Variants in CDKAL1 observed in about 807,000 individuals in gnomAD.
The protein encoded by CDKAL1 is CDKAL1 threonylcarbamoyladenosine tRNA methylthiotransferase.
CDKAL1 carries 32 observed loss-of-function variants against 68.2 expected under a neutral mutation model. The ratio of observed to expected loss-of-function variants is 0.47; its 90% confidence interval spans 0.35 to 0.63. The LOEUF is 0.63. Among genes scored for constraint, CDKAL1 ranks in the 30% least tolerant of loss-of-function variants. The pLI, the probability that CDKAL1 is intolerant of heterozygous loss-of-function variation, is 0.00. For synonymous variants in CDKAL1, 234 were observed against 244.3 expected (o/e 0.96, Z 0.39); for missense variants, 606 against 696.7 (o/e 0.87, Z 1.47).
At chr6:21,169,503 G>A (rs1260424042) in intron 13 of CDKAL1, among the ~76,000 whole-genome samples, 10 of 152,208 alleles carry the variant, frequency 6.6e-5, no homozygotes, top group Non-Finnish European at 1.3e-4. Context: ...AGGCTTGGTG[G>A]TGCATACCTG....
At chr6:20,798,466 A>G (rs924044463) in intron 8 of CDKAL1, among the ~76,000 whole-genome samples, 1 of 152,180 alleles carries the variant, frequency 6.6e-6, no homozygotes, top group Non-Finnish European at 1.5e-5. Flanking sequence ...ATGCACACGT[A>G]TGTTTATTGC....
chr6:20,713,275 A>G (rs914970764), intron 5 of CDKAL1, among the ~76,000 whole-genome samples: 3 of 152,172 alleles, frequency 2.0e-5, no homozygotes, highest in African/African-American at 4.8e-5. Flanking sequence ...GCTTACACTA[A>G]CAAGGGTTTT....
intron 5 of CDKAL1, among the ~76,000 whole-genome samples, chr6:20,666,529 C>T (rs1769551765): frequency 6.6e-6 from 1 of 151,952 alleles, no homozygotes; most frequent in East Asian, 1.9e-4. Flanking sequence ...ATTTATAATG[C>T]AAAAAGTGTT....
At chr6:20,732,251 T>TTTTCTTTC (rs1432272304) in intron 5 of CDKAL1, among the ~76,000 whole-genome samples, 2 of 129,264 alleles carry the variant, frequency 1.5e-5, no homozygotes, top group South Asian at 2.8e-4. Context: ...TTTCTTTTTC[T>TTTTCTTTC]TTTCTTTCTT....
intron 11 of CDKAL1, among the ~76,000 whole-genome samples, chr6:21,019,718 G>GAT (rs963849564): frequency 8.6e-5 from 13 of 151,862 alleles, no homozygotes; most frequent in Non-Finnish European, 1.6e-4. Context: ...TAATTAATTG[G>GAT]ATATATATAT....
At chr6:21,014,179 G>A (rs912521453) in intron 11 of CDKAL1, among the ~76,000 whole-genome samples, 2 of 152,178 alleles carry the variant, frequency 1.3e-5, no homozygotes, top group Non-Finnish European at 2.9e-5. Context: ...TTCCCTAGCT[G>A]CACGGAAAAC....
At chr6:20,620,871 G>A (rs1055233095) in intron 4 of CDKAL1, among the ~76,000 whole-genome samples, 6 of 151,842 alleles carry the variant, frequency 4.0e-5, no homozygotes, top group African/African-American at 9.7e-5. Flanking sequence ...ATATTAGTAC[G>A]GTATGTTTGT....
chr6:21,037,720 G>A (rs571404993), intron 11 of CDKAL1, among the ~76,000 whole-genome samples: 1 of 152,204 alleles, frequency 6.6e-6, no homozygotes, highest in East Asian at 1.9e-4. Context: ...CTACTGTATT[G>A]GATAGTTCAG....
chr6:21,005,821 C>T (rs1436907135), intron 11 of CDKAL1, among the ~76,000 whole-genome samples: 1 of 152,090 alleles, frequency 6.6e-6, no homozygotes, highest in Non-Finnish European at 1.5e-5. Context: ...AGAGATTGCC[C>T]AGTGAAATAC....
intron 9 of CDKAL1, among the ~76,000 whole-genome samples, chr6:20,931,927 A>T (rs939164040): frequency 1.6e-4 from 25 of 152,206 alleles, no homozygotes; most frequent in African/African-American, 5.1e-4. Flanking sequence ...TTATCTTCAT[A>T]TATTTAATAC....
At chr6:20,965,334 G>GGGGAA (rs1765253127) in intron 10 of CDKAL1, among the ~76,000 whole-genome samples, 1 of 148,492 alleles carries the variant, frequency 6.7e-6, no homozygotes, top group Admixed American at 6.8e-5. Flanking sequence ...GGGGAGGGGA[G>GGGGAA]GGGAGGGGAG....
intron 13 of CDKAL1, among the ~76,000 whole-genome samples, chr6:21,164,415 C>T: frequency 6.6e-6 from 1 of 151,914 alleles, no homozygotes; most frequent in East Asian, 1.9e-4. Flanking sequence ...TTTAACCTCA[C>T]TGCCATGCCT....
At chr6:20,770,541 A>G (rs1156526795) in intron 7 of CDKAL1, among the ~76,000 whole-genome samples, 6 of 152,174 alleles carry the variant, frequency 3.9e-5, no homozygotes, top group Non-Finnish European at 8.8e-5. Flanking sequence ...ATAACTTTCA[A>G]TCTTTAACAG....
chr6:20,705,029 A>G (rs1419055625), intron 5 of CDKAL1, among the ~76,000 whole-genome samples: 2 of 152,254 alleles, frequency 1.3e-5, no homozygotes, highest in Admixed American at 6.5e-5. Context: ...AGGGGAGAAT[A>G]GAAGTAGAAT....
intron 13 of CDKAL1, among the ~76,000 whole-genome samples, chr6:21,173,012 C>CTTTTTTTTTTTTTT (rs202066238): frequency 7.2e-6 from 1 of 138,792 alleles, no homozygotes; most frequent in African/African-American, 2.6e-5. Flanking sequence ...TGTCTTTTAT[C>CTTTTTTTTTTTTTT]TTTTTTTTTT....
intron 5 of CDKAL1, among the ~76,000 whole-genome samples, chr6:20,691,335 T>A (rs998243083): frequency 1.3e-5 from 2 of 151,848 alleles, no homozygotes; most frequent in Admixed American, 6.6e-5. Flanking sequence ...TGTGTACAGA[T>A]GGCATGGTGG....
chr6:20,802,570 G>A (rs1347263841), intron 8 of CDKAL1, among the ~76,000 whole-genome samples: 1 of 151,834 alleles, frequency 6.6e-6, no homozygotes, highest in Non-Finnish European at 1.5e-5. Context: ...ATTCTTATAT[G>A]TATACACACA....
intron 13 of CDKAL1, among the ~76,000 whole-genome samples, chr6:21,191,533 A>G (rs961037281): frequency 2.0e-5 from 3 of 152,210 alleles, no homozygotes; most frequent in African/African-American, 4.8e-5. Flanking sequence ...TGATGTTGTA[A>G]GTTTTCCACA....
intron 13 of CDKAL1, among the ~76,000 whole-genome samples, chr6:21,129,642 A>G (rs905515020): frequency 2.5e-5 from 3 of 121,176 alleles, no homozygotes; most frequent in Admixed American, 1.1e-4. Flanking sequence ...TATAAACACT[A>G]TTGTCTTATA....
Sources: gnomAD v4.1 joint callset for allele counts (sites outside exome capture counted in the v4.1 genomes callset) on GRCh38, gnomAD v4.1.1 for gene constraint, MANE v1.5 for transcripts, NCBI Gene and HGNC (gene_info 2026-07-23, HGNC 2026-07-21) for gene names.